The following OR7E24 variants were observed in gnomAD, a reference collection of about 807,000 sequenced individuals.
OR7E24 encodes the protein olfactory receptor 7E24.
For missense variants in OR7E24, 385 were observed against 410.3 expected, an observed-to-expected ratio of 0.94 and a Z score of 0.53; for synonymous variants, 130 against 157.5, an observed-to-expected ratio of 0.83 and a Z score of 1.31.
chr19:9,244,917 C>A (rs1329673362), upstream of OR7E24, among the ~76,000 whole-genome samples: 1 of 152,000 alleles, frequency 6.6e-6, no homozygotes, highest in Non-Finnish European at 1.5e-5. Context: ...TAAAAATGGG[C>A]AGAAGGCCAG....
the OR7E24 span, chr19:9,212,044 A>T: frequency 1.3e-5 from 2 of 152,104 alleles, no homozygotes; most frequent in Non-Finnish European, 2.9e-5. Flanking sequence ...TTCTTTAAAA[A>T]TGTTTTAAAA....
the OR7E24 span, chr19:9,236,016 C>A: frequency 2.9e-3 from 4,639 of 1,610,310 alleles, 10 homozygotes; most frequent in Non-Finnish European, 3.6e-3. Context: ...TCATCTACAG[C>A]CTGAGGAACA....
the OR7E24 span, chr19:9,214,721 C>T: frequency 1.9e-6 from 3 of 1,614,074 alleles, no homozygotes; most frequent in Non-Finnish European, 2.5e-6. Flanking sequence ...GGTTCCCCAG[C>T]ACCGTGACCA....
the OR7E24 span, chr19:9,207,804 G>A: frequency 5.9e-5 from 9 of 152,108 alleles, no homozygotes; most frequent in African/African-American, 2.2e-4. Context: ...TCTTGTTACA[G>A]ACTTTCATGA....
chr19:9,246,466 T>TGGGGTGTGTGTG (rs1555720675), upstream of OR7E24, among the ~76,000 whole-genome samples: 2 of 130,986 alleles, frequency 1.5e-5, no homozygotes, highest in African/African-American at 6.1e-5. Context: ...CTTAAAGGTA[T>TGGGGTGTGTGTG]TGTGTGTGTG....
the OR7E24 span, among the ~76,000 whole-genome samples, chr19:9,226,254 C>T: frequency 2.0e-5 from 3 of 152,208 alleles, no homozygotes; most frequent in Non-Finnish European, 1.5e-5. Context: ...CTCAGCCAGG[C>T]CATTTTTATA....
chr19:9,233,275 T>C, the OR7E24 span, among the ~76,000 whole-genome samples: 7 of 152,110 alleles, frequency 4.6e-5, no homozygotes, highest in Admixed American at 2.6e-4. Context: ...TTTTCTACCA[T>C]GGTAAATGTA....
chr19:9,225,094 G>A, the OR7E24 span, among the ~76,000 whole-genome samples: 3 of 151,944 alleles, frequency 2.0e-5, no homozygotes, highest in Admixed American at 6.6e-5. Flanking sequence ...GAGAGGGGAG[G>A]TCGGGTGCGG....
At chr19:9,215,353 A>C in the OR7E24 span, among the ~76,000 whole-genome samples, 9 of 151,870 alleles carry the variant, frequency 5.9e-5, no homozygotes, top group African/African-American at 2.2e-4. Flanking sequence ...AAAAAAAAAA[A>C]AAAAAAAAAA....
At chr19:9,232,682 G>A in the OR7E24 span, among the ~76,000 whole-genome samples, 1 of 151,964 alleles carries the variant, frequency 6.6e-6, no homozygotes, top group South Asian at 2.1e-4. Flanking sequence ...AATGGAACTG[G>A]AAGACCCACT....
chr19:9,230,869 C>T, the OR7E24 span, among the ~76,000 whole-genome samples: 1 of 152,066 alleles, frequency 6.6e-6, no homozygotes, highest in African/African-American at 2.4e-5. Flanking sequence ...GAGTAGACTG[C>T]CTTGGCCTAT....
the OR7E24 span, among the ~76,000 whole-genome samples, chr19:9,234,341 T>C: frequency 6.6e-6 from 1 of 152,168 alleles, no homozygotes; most frequent in South Asian, 2.1e-4. Flanking sequence ...ATAACTATCT[T>C]ATAAGAAGAA....
At chr19:9,242,083 C>T in the OR7E24 span, among the ~76,000 whole-genome samples, 1 of 152,150 alleles carries the variant, frequency 6.6e-6, no homozygotes, top group African/African-American at 2.4e-5. Flanking sequence ...TACCCATTTG[C>T]ATGTTAGCAC....
chr19:9,243,541 A>C (rs10412821), upstream of OR7E24, among the ~76,000 whole-genome samples: 898 of 152,114 alleles, frequency 5.9e-3, 7 homozygotes, highest in African/African-American at 0.021. Context: ...TCCTGGCCTC[A>C]AACCAGGATT....
chr19:9,235,986 C>A, the OR7E24 span: 1 of 1,611,844 alleles, frequency 6.2e-7, no homozygotes, highest in Non-Finnish European at 8.5e-7. Flanking sequence ...ACGCCATGGT[C>A]ACCCCCATGC....
At chr19:9,220,252 AG>A in the OR7E24 span, among the ~76,000 whole-genome samples, 1 of 152,166 alleles carries the variant, frequency 6.6e-6, no homozygotes, top group Admixed American at 6.6e-5. Flanking sequence ...CATTAACTAA[AG>A]TCATCCTGCT....
chr19:9,227,692 A>T, the OR7E24 span, among the ~76,000 whole-genome samples: 1 of 150,224 alleles, frequency 6.7e-6, no homozygotes, highest in South Asian at 2.1e-4. Flanking sequence ...TATACTAATG[A>T]TATATATTCC....
chr19:9,213,567 GTC>G, the OR7E24 span: 1 of 281,974 alleles, frequency 3.5e-6, no homozygotes, highest in Non-Finnish European at 6.8e-6. Context: ...GTGGAACCCT[GTC>G]TCTACTAAAA....
chr19:9,223,613 C>T, the OR7E24 span, among the ~76,000 whole-genome samples: 1 of 151,570 alleles, frequency 6.6e-6, no homozygotes, highest in Non-Finnish European at 1.5e-5. Context: ...GAGATTTTTT[C>T]TATACACCCC....
Sources: gnomAD v4.1 joint callset for allele counts (sites outside exome capture counted in the v4.1 genomes callset) on GRCh38, gnomAD v4.1.1 for gene constraint, MANE v1.5 for transcripts, NCBI Gene and HGNC (gene_info 2026-07-23, HGNC 2026-07-21) for gene names.